Variants in CPSF4 observed in about 807,000 individuals in gnomAD.
The protein encoded by CPSF4 is cleavage and polyadenylation specificity factor subunit 4.
CPSF4 carries 11 observed loss-of-function variants against 37.7 expected under a neutral mutation model. That is an observed-to-expected ratio of 0.29 (90% CI 0.18 to 0.48). The LOEUF (loss-of-function observed/expected upper bound fraction) is 0.48, where lower values mean the gene tolerates loss of function less well. CPSF4 is among the 20% of genes least tolerant of loss of function. The pLI, the probability that CPSF4 is intolerant of heterozygous loss-of-function variation, is 0.99. For synonymous variants in CPSF4, 132 were observed against 135.9 expected, an observed-to-expected ratio of 0.97 and a Z score of 0.20; for missense variants, 144 against 359.5, an observed-to-expected ratio of 0.40 and a Z score of 4.85.
chr7:99,446,742 G>A (rs1482915973), intron 2 of CPSF4, among the ~76,000 whole-genome samples: 1 of 130,298 alleles, frequency 7.7e-6, no homozygotes, highest in Non-Finnish European at 1.5e-5. Context: ...TCAGTAGCCA[G>A]GACTACAGGT....
At chr7:99,439,726 T>C (rs888291014) in intron 1 of CPSF4, 1 of 152,254 alleles carries the variant, frequency 6.6e-6, no homozygotes, top group African/African-American at 2.4e-5. Context: ...ACCCGCTACG[T>C]TGAGCGTCTC....
intron 3 of CPSF4, among the ~76,000 whole-genome samples, chr7:99,449,569 T>C (rs959677254): frequency 2.6e-5 from 4 of 152,240 alleles, no homozygotes; most frequent in East Asian, 3.9e-4. Context: ...ACCACAGACA[T>C]TGGGTTGAGG....
intron 7 of CPSF4, 44 bp from the exon 8 acceptor site, chr7:99,456,385 GTGT>G (rs753526776): frequency 6.2e-5 from 98 of 1,568,060 alleles, no homozygotes; most frequent in Middle Eastern, 3.3e-4. Context: ...CATTTGAACA[GTGT>G]TGTTGTCTGT....
At chr7:99,451,797 C>T (rs1182479159) in intron 5 of CPSF4, among the ~76,000 whole-genome samples, 2 of 152,208 alleles carry the variant, frequency 1.3e-5, no homozygotes, top group Admixed American at 6.5e-5. Flanking sequence ...AGCCTCCCTT[C>T]CTCCCGGCTG....
At position 99,448,526 on chromosome 7, in the gene CPSF4, C is replaced by T; in HGVS notation, c.307+253C>T. On this transcript the variant is annotated intron_variant, in intron 3 of 7. Coordinates refer to ENST00000292476, the MANE Select transcript of CPSF4 (RefSeq NM_006693.4). The surrounding 1 kb of genome is among the most constrained non-coding windows in gnomAD (Gnocchi z 4.4). ...TGTTTCACATACTGGTCTTGAACTCCTGGGCTCGAGTGATCTGCCTGCCTC... is the reference window on the plus strand; with the variant it reads ...TGTTTCACATACTGGTCTTGAACTCTTGGGCTCGAGTGATCTGCCTGCCTC... 1 of 362,638 alleles carries T rather than the reference C, an allele frequency of 2.8e-6. No homozygotes were observed. The highest frequency in any genetic ancestry group is 3.6e-5 in the South Asian group (1 of 27,726). The allele number at this position is 362,638 out of a possible 1,614,324, so 22.5% of individuals were successfully genotyped here.
chr7:99,440,674 A>ATATATATTTTT, intron 1 of CPSF4, among the ~76,000 whole-genome samples: 12 of 88,082 alleles, frequency 1.4e-4, no homozygotes, highest in African/African-American at 5.8e-4. Context: ...ATATATATAT[A>ATATATATTTTT]TTTTTTTTTT....
At chr7:99,450,431 G>A (rs1797851743) in intron 4 of CPSF4, 60 bp downstream of exon 4, 10 of 1,214,688 alleles carry the variant, frequency 8.2e-6, no homozygotes, top group East Asian at 4.8e-5. Context: ...CTCTGCCCAC[G>A]ACCCTGGAGG....
intron 1 of CPSF4, among the ~76,000 whole-genome samples, chr7:99,441,747 C>A (rs1797007399): frequency 6.6e-6 from 1 of 151,890 alleles, no homozygotes; most frequent in Non-Finnish European, 1.5e-5. Flanking sequence ...GGCTGGAGCA[C>A]AGTGACGCGA....
chr7:99,443,154 T>A (rs746429765), intron 1 of CPSF4: 135 of 791,066 alleles, frequency 1.7e-4, no homozygotes, highest in Admixed American at 3.1e-4. Context: ...CTGAGCAGCT[T>A]TCTTACTCTC....
chr7:99,452,634 C>T (rs1394755357), intron 6 of CPSF4, 194 bp downstream of exon 6: 4 of 579,158 alleles, frequency 6.9e-6, no homozygotes, highest in Middle Eastern at 4.7e-4. Context: ...GGCCTCTTGC[C>T]CTAGAACCTC....
intron 5 of CPSF4, among the ~76,000 whole-genome samples, chr7:99,451,545 C>G (rs548947158): frequency 1.3e-5 from 2 of 152,362 alleles, no homozygotes; most frequent in African/African-American, 4.8e-5. Flanking sequence ...GTGGAAGTTG[C>G]AGTGAGCCAA....
At chr7:99,441,363 A>G in intron 1 of CPSF4, 1 of 455,546 alleles carries the variant, frequency 2.2e-6, no homozygotes, top group Admixed American at 2.4e-5. Context: ...CTGTGAGGGG[A>G]GGTACAGTGG....
At chr7:99,450,825 C>T (rs1229355908) in intron 5 of CPSF4, 30 bp downstream of exon 5, 1 of 1,541,728 alleles carries the variant, frequency 6.5e-7, no homozygotes, top group East Asian at 2.2e-5. Flanking sequence ...GCCCTCTACC[C>T]CAGCTCCCGG....
intron 3 of CPSF4, among the ~76,000 whole-genome samples, chr7:99,449,963 G>A (rs2151004102): frequency 6.6e-6 from 1 of 152,308 alleles, no homozygotes; most frequent in East Asian, 1.9e-4. Flanking sequence ...CAACTACTCA[G>A]GAAGGCGGTT....
At chr7:99,446,851 G>A (rs997840837) in intron 2 of CPSF4, among the ~76,000 whole-genome samples, 1 of 133,418 alleles carries the variant, frequency 7.5e-6, no homozygotes, top group Non-Finnish European at 1.5e-5. Context: ...GTGCAGTGGT[G>A]TCATCTTGGT....
chr7:99,440,233 C>T (rs1010419716), intron 1 of CPSF4, among the ~76,000 whole-genome samples: 5 of 152,126 alleles, frequency 3.3e-5, no homozygotes, highest in East Asian at 1.9e-4. Context: ...TGTGTGCTGT[C>T]GCCCACAACT....
intron 3 of CPSF4, 38 bp from the exon 4 acceptor site, chr7:99,450,238 G>A (rs371808143): frequency 3.1e-5 from 48 of 1,544,116 alleles, no homozygotes; most frequent in Non-Finnish European, 4.0e-5. Context: ...GCCTGGCCCC[G>A]GCCTTCCCAG....
chr7:99,443,483 ATC>A, intron 1 of CPSF4: 1 of 854,204 alleles, frequency 1.2e-6, no homozygotes, highest in Non-Finnish European at 2.0e-6. Context: ...GAGCTCCACC[ATC>A]TCAGTTACCA....
intron 1 of CPSF4, among the ~76,000 whole-genome samples, chr7:99,440,893 C>G (rs898135604): frequency 2.0e-5 from 3 of 150,036 alleles, no homozygotes; most frequent in South Asian, 4.2e-4. Flanking sequence ...CACACCCCCT[C>G]TTACCTACCC....
Sources: gnomAD v4.1 joint callset for allele counts (sites outside exome capture counted in the v4.1 genomes callset) on GRCh38, gnomAD v4.1.1 for gene constraint, Gnocchi (gnomAD v3.1) non-coding constraint, MANE v1.5 for transcripts, NCBI Gene and HGNC (gene_info 2026-07-23, HGNC 2026-07-21) for gene names.